The following PDE1C variants were observed in gnomAD, a reference collection of about 807,000 sequenced individuals.
PDE1C encodes phosphodiesterase 1C.
A neutral mutation model predicts 93.1 loss-of-function variants in PDE1C; 62 were observed. The observed-to-expected ratio is 0.67, with a 90% CI of 0.54 to 0.82. PDE1C has a LOEUF of 0.82. PDE1C is among the 40% of genes least tolerant of loss of function. The pLI is 0.00. For synonymous variants in PDE1C, 325 were observed against 310.1 expected (o/e 1.05, Z -0.50); for missense variants, 742 against 884.6 (o/e 0.84, Z 2.04).
chr7:31,965,511 G>A (rs1031215797), intron 2 of PDE1C, among the ~76,000 whole-genome samples: 1 of 152,220 alleles, frequency 6.6e-6, no homozygotes, highest in African/African-American at 2.4e-5. Context: ...CTGGGAGAAT[G>A]GAACCAAGTT....
intron 1 of PDE1C, among the ~76,000 whole-genome samples, chr7:32,227,474 G>A (rs1317824775): frequency 1.3e-5 from 2 of 152,148 alleles, no homozygotes; most frequent in Non-Finnish European, 2.9e-5. Flanking sequence ...GAGCCAGGGG[G>A]CTTGCTCTCT....
At chr7:32,401,583 C>G (rs1211656295) in intron 1 of PDE1C, among the ~76,000 whole-genome samples, 3 of 151,836 alleles carry the variant, frequency 2.0e-5, no homozygotes, top group Non-Finnish European at 4.4e-5. Flanking sequence ...AAATGTAAAC[C>G]AGATGAGGAA....
At chr7:32,317,501 C>T (rs981831003) in intron 1 of PDE1C, among the ~76,000 whole-genome samples, 1 of 152,252 alleles carries the variant, frequency 6.6e-6, no homozygotes, top group Middle Eastern at 3.4e-3. Flanking sequence ...TCTACCCACT[C>T]CCCTGGCCCA....
At chr7:31,706,521 T>G in the PDE1C span, among the ~76,000 whole-genome samples, 1 of 152,204 alleles carries the variant, frequency 6.6e-6, no homozygotes, top group Non-Finnish European at 1.5e-5. Context: ...CAGTACACTT[T>G]CCTTATTTTC....
intron 1 of PDE1C, among the ~76,000 whole-genome samples, chr7:32,229,065 C>A (rs1807500223): frequency 6.6e-6 from 1 of 152,208 alleles, no homozygotes; most frequent in Admixed American, 6.5e-5. Context: ...ATTAGACTAC[C>A]ACCTGCTGCT....
intron 1 of PDE1C, among the ~76,000 whole-genome samples, chr7:32,250,433 T>C (rs982919052): frequency 6.6e-6 from 1 of 152,170 alleles, no homozygotes; most frequent in Non-Finnish European, 1.5e-5. Flanking sequence ...ATGGAGTTTA[T>C]TGGGTCCATC....
intron 1 of PDE1C, among the ~76,000 whole-genome samples, chr7:32,320,177 T>C (rs532532004): frequency 3.9e-5 from 6 of 152,326 alleles, no homozygotes. Flanking sequence ...CTAAGGTTTG[T>C]GTTTCATTTT....
chr7:32,304,805 C>T (rs1812958416), intron 1 of PDE1C, among the ~76,000 whole-genome samples: 1 of 152,056 alleles, frequency 6.6e-6, no homozygotes, highest in Admixed American at 6.5e-5. Context: ...TTACCCTGGA[C>T]TCAACCCATA....
chr7:31,883,316 G>A (rs1259315562), intron 2 of PDE1C, among the ~76,000 whole-genome samples: 2 of 152,172 alleles, frequency 1.3e-5, no homozygotes, highest in Non-Finnish European at 2.9e-5. Context: ...GAGTGAATTC[G>A]TGAGTCTCCA....
intron 3 of PDE1C, among the ~76,000 whole-genome samples, chr7:32,088,455 C>A (rs377250889): frequency 6.6e-6 from 1 of 152,246 alleles, no homozygotes; most frequent in African/African-American, 2.4e-5. Flanking sequence ...GCTTGGCAAC[C>A]GCAAGTATTT....
intron 2 of PDE1C, among the ~76,000 whole-genome samples, chr7:31,972,804 C>T (rs1300963950): frequency 2.6e-5 from 4 of 152,108 alleles, no homozygotes; most frequent in African/African-American, 9.7e-5. Flanking sequence ...GTAGGAGGCA[C>T]CAGGAAAGAC....
At chr7:32,284,669 C>G (rs1290678714) in intron 1 of PDE1C, among the ~76,000 whole-genome samples, 1 of 152,144 alleles carries the variant, frequency 6.6e-6, no homozygotes, top group Non-Finnish European at 1.5e-5. Flanking sequence ...CCATCCCATC[C>G]CCAACCTCAT....
At chr7:31,657,075 CAT>C in the PDE1C span, among the ~76,000 whole-genome samples, 2 of 15,300 alleles carry the variant, frequency 1.3e-4, no homozygotes, top group East Asian at 1.7e-3. Context: ...TATTATGTAT[CAT>C]ATATATTTTA....
At chr7:32,311,601 T>A (rs2128904700) in intron 1 of PDE1C, among the ~76,000 whole-genome samples, 1 of 152,244 alleles carries the variant, frequency 6.6e-6, no homozygotes, top group East Asian at 1.9e-4. Context: ...TGGTTCAATA[T>A]ACGCAAATCA....
intron 2 of PDE1C, among the ~76,000 whole-genome samples, chr7:32,016,945 T>C (rs1563199814): frequency 6.6e-6 from 1 of 152,178 alleles, no homozygotes; most frequent in Non-Finnish European, 1.5e-5. Context: ...ATAGTCAGGT[T>C]GCCTGAGTTC....
intron 1 of PDE1C, among the ~76,000 whole-genome samples, chr7:32,376,035 T>A (rs187330212): frequency 6.6e-6 from 1 of 152,208 alleles, no homozygotes; most frequent in Non-Finnish European, 1.5e-5. Context: ...CATGTGCCTC[T>A]AATCCCAGCT....
At chr7:32,124,364 A>T (rs1004670414) in intron 3 of PDE1C, among the ~76,000 whole-genome samples, 2 of 152,198 alleles carry the variant, frequency 1.3e-5, no homozygotes, top group African/African-American at 4.8e-5. Flanking sequence ...TTTAAATTTC[A>T]TATGGAATCA....
intron 13 of PDE1C, among the ~76,000 whole-genome samples, chr7:31,824,093 C>T (rs886868917): frequency 7.2e-5 from 11 of 152,098 alleles, no homozygotes; most frequent in African/African-American, 2.4e-4. Context: ...TACTCCTTTT[C>T]CTGCTCTTTG....
chr7:31,950,638 C>T (rs1007914340), intron 2 of PDE1C, among the ~76,000 whole-genome samples: 4 of 152,156 alleles, frequency 2.6e-5, no homozygotes, highest in Admixed American at 2.6e-4. Flanking sequence ...AGGAGAGTTA[C>T]AGCAATAAAC....
Sources: gnomAD v4.1 joint callset for allele counts (sites outside exome capture counted in the v4.1 genomes callset) on GRCh38, gnomAD v4.1.1 for gene constraint, MANE v1.5 for transcripts, NCBI Gene and HGNC (gene_info 2026-07-23, HGNC 2026-07-21) for gene names.